CFL2: variants seen among roughly 807,000 people sequenced by gnomAD.
CFL2 encodes the protein cofilin 2.
In CFL2, 10 loss-of-function variants were observed where a neutral mutation model predicts 19.6. The ratio of observed to expected loss-of-function variants is 0.51; its 90% CI spans 0.31 to 0.86. The LOEUF (loss-of-function observed/expected upper bound fraction) is 0.86, where lower values mean the gene tolerates loss of function less well. Among genes scored for constraint, CFL2 ranks in the 40% least tolerant of loss-of-function variants. CFL2 has a pLI of 0.04. For synonymous variants in CFL2, 63 were observed against 66.7 expected (o/e 0.95, Z 0.27); for missense variants, 125 against 192.1 (o/e 0.65, Z 2.06).
rs372420724 is a variant in CFL2 at position 34,713,468 on chromosome 14, T to G, written c.97A>C (p.Lys33Gln). Reference sequence around the variant, plus strand: ...CTTAAACAGAAGAGAACTGCTTTCTTTCTCTTTTTGATCTCCTCTTGTGTA... The same window carrying G: ...CTTAAACAGAAGAGAACTGCTTTCTGTCTCTTTTTGATCTCCTCTTGTGTA... ...SSTQEEIKKR[K>Q]KAVLFCLSDD... The change falls in exon 2 of 4, where the codon AAG becomes CAG. Residue 33 changes from lysine (K) to glutamine (Q), a missense_variant. Transcript: ENST00000298159. The G allele has an allele frequency of 3.1e-6, 5 of 1,614,030 alleles. No individual in the cohort carries two copies. Among genetic ancestry groups the G allele is most frequent in the Non-Finnish European group, 4.2e-6 (5 of 1,180,004 alleles).
chr14:34,710,724 C>A lies in CFL2; in HGVS notation c.*2141G>T, dbSNP rs1445926032. ...TTATATTAGTATCAGTTTTGTCAATCTAGCAAATCAAAGTATCACAGTTTA... is the reference window on the plus strand; with the variant it reads ...TTATATTAGTATCAGTTTTGTCAATATAGCAAATCAAAGTATCACAGTTTA... On this transcript the variant is annotated 3_prime_UTR_variant, in exon 4 of 4. Coordinates refer to ENST00000298159, the MANE Select transcript of CFL2 (RefSeq NM_138638.5). 2.2e-6 allele frequency: 1 copy of A among 451,976 alleles called. No individual in the cohort carries two copies. The highest frequency in any genetic ancestry group is 4.4e-6 in the Non-Finnish European group (1 of 226,204). The allele number at this position is 451,976 out of a possible 1,614,324, so 28.0% of individuals were successfully genotyped here. A position where few individuals can be genotyped will look rare whatever the true frequency, so the allele number is the denominator to read the frequency against.
chr14:34,713,232 TTTTTC>T lies in CFL2; in HGVS notation c.311+17_311+21del. ...ATAATCCTTGCATTTTAAAAGTACT[TTTTTC>T]TTTTGTTTTTACACACCAGAATATA... On this transcript the variant is annotated intron_variant, in intron 2 of 3. Transcript: ENST00000298159. The T allele has an allele frequency of 6.2e-7, 1 of 1,604,780 alleles. No homozygotes were observed. The highest frequency in any genetic ancestry group is 8.5e-7 in the Non-Finnish European group (1 of 1,173,324).
At chr14:34,713,002 T>C (rs770568677) in intron 3 of CFL2, 25 bp from the exon 4 acceptor site, 2 of 1,553,446 alleles carry the variant, frequency 1.3e-6, no homozygotes, top group Non-Finnish European at 1.8e-6. Context: ...CATTATCCTA[T>C]TACTTTATTA....
At position 34,712,007 on chromosome 14, in the gene CFL2, G is replaced by A. The variant is rs1300461602; in HGVS notation, c.*858C>T. 3 of 454,328 alleles carry A rather than the reference G, an allele frequency of 6.6e-6. No individual in the cohort carries two copies. The highest frequency in any genetic ancestry group is 1.6e-5 in the South Asian group (1 of 64,472). The allele number at this position is 454,328 out of a possible 1,614,324, so 28.1% of individuals were successfully genotyped here. On this transcript the variant is annotated 3_prime_UTR_variant, in exon 4 of 4. Coordinates refer to ENST00000298159, the MANE Select transcript of CFL2 (RefSeq NM_138638.5). ...AAATTTCCAAGGAAAACAAGGCAAC[G>A]TTCTGTAATATGCCACAATTTTTAT...
In CFL2 at chr14:34,713,053, T is replaced by C; in HGVS notation, c.388+7A>G. 6.3e-7 allele frequency: 1 copy of C among 1,576,652 alleles called. No individual in the cohort carries two copies. Among genetic ancestry groups the C allele is most frequent in the Non-Finnish European group, 8.6e-7 (1 of 1,159,752 alleles). ...AATTTCTCTGCCCCAAATATTCAAGTTTGTACCTGTAAATTTCTTTTTAAT... is the reference window on the plus strand; with the variant it reads ...AATTTCTCTGCCCCAAATATTCAAGCTTGTACCTGTAAATTTCTTTTTAAT... On this transcript the variant is annotated splice_region_variant and intron_variant, in intron 3 of 3. Coordinates refer to ENST00000298159, the MANE Select transcript of CFL2 (RefSeq NM_138638.5).
Position 34,710,541 on chromosome 14 carries a change from T to C in CFL2, c.*2324A>G. On this transcript the variant is annotated 3_prime_UTR_variant, in exon 4 of 4. Coordinates refer to ENST00000298159, the MANE Select transcript of CFL2 (RefSeq NM_138638.5). The stretch of plus-strand genomic sequence containing the variant: ...ATTTTACTAATTAGCACCGTATACC[T>C]TTTAAAGCTAACTGGAACATTGATT... The C allele has an allele frequency of 2.3e-6, 1 of 434,626 alleles. No individual in the cohort carries two copies. Among genetic ancestry groups the C allele is most frequent in the Non-Finnish European group, 4.6e-6 (1 of 219,140 alleles). 26.9% of individuals were successfully genotyped at this position (434,626 alleles called of 1,614,324 possible).
At chr14:34,714,444 CA>C in intron 1 of CFL2, 93 bp downstream of exon 1, 6 of 1,483,294 alleles carry the variant, frequency 4.0e-6, no homozygotes, top group Admixed American at 2.3e-5. Flanking sequence ...CCTTGGAGGC[CA>C]AAATCAGGTT....
Position 34,712,763 on chromosome 14 carries a change from A to T in CFL2, c.*102T>A. 1.3e-6 allele frequency: 1 copy of T among 760,958 alleles called. No homozygotes were observed. Among genetic ancestry groups the T allele is most frequent in the Non-Finnish European group, 2.4e-6 (1 of 410,752 alleles). The allele number at this position is 760,958 out of a possible 1,614,324, so 47.1% of individuals were successfully genotyped here. A position where few individuals can be genotyped will look rare whatever the true frequency, so the allele number is the denominator to read the frequency against. ...CATTGTGTTGGAAGGGCCCAGTGGA[A>T]AGGGGGAAATACAACAAAAAACCAA... is the stretch of plus-strand genomic sequence containing the variant. On this transcript the variant is annotated 3_prime_UTR_variant, in exon 4 of 4. Transcript: ENST00000298159.
rs567576604 is a variant in CFL2, at chr14:34,714,573, G to C, written c.-33C>G. On this transcript the variant is annotated 5_prime_UTR_variant, in exon 1 of 4. Transcript: ENST00000298159. Reference sequence around the variant, plus strand: ...TCGGCTGTGGCTGCGGCGGCAGCTCGGGCTTCGGCTCTGTGGCACTGGGAG... The same window carrying C: ...TCGGCTGTGGCTGCGGCGGCAGCTCCGGCTTCGGCTCTGTGGCACTGGGAG... 2 of 1,557,176 alleles carry C rather than the reference G, an allele frequency of 1.3e-6. No individual in the cohort carries two copies. Among genetic ancestry groups the C allele is most frequent in the South Asian group, 2.3e-5 (2 of 87,010 alleles).
chr14:34,713,209 A>C (rs765233939), intron 2 of CFL2, 45 bp downstream of exon 2: 5 of 1,120,098 alleles, frequency 4.5e-6, no homozygotes, highest in South Asian at 2.9e-5. Flanking sequence ...TGATAATAAT[A>C]ATCCTTGCAT....
chr14:34,712,897 C>T lies in CFL2; in HGVS notation c.469G>A (p.Val157Ile). The T allele has an allele frequency of 6.2e-7, 1 of 1,602,652 alleles. No homozygotes were observed. The highest frequency in any genetic ancestry group is 8.6e-7 in the Non-Finnish European group (1 of 1,169,554). ...GGTTTTCCTTCAAGTGAAACTACTA[C>T]ATTGCCTCCCAATTTCTCTCCAAGT... The part of the protein sequence containing the change: ...STLGEKLGGN[V>I]VVSLEGKPL The change falls in exon 4 of 4, where the codon GTA becomes ATA. Residue 157 changes from valine (V) to isoleucine (I), a missense_variant. Physicochemically the swap from Val to Ile is conservative, Grantham distance 29 (BLOSUM62 3). Coordinates refer to ENST00000298159, the MANE Select transcript of CFL2 (RefSeq NM_138638.5).
intron 1 of CFL2, chr14:34,714,188 G>C (rs1885415653): frequency 5.3e-6 from 2 of 375,292 alleles, no homozygotes; most frequent in East Asian, 9.3e-5. Flanking sequence ...AGCGTTCGCA[G>C]CACGTACCAA....
chr14:34,710,208 C>A lies in CFL2; in HGVS notation c.*2657G>T. 1 of 189,866 alleles carries A rather than the reference C, an allele frequency of 5.3e-6. No individual in the cohort carries two copies. The highest frequency in any genetic ancestry group is 9.5e-5 in the South Asian group (1 of 10,472). 11.8% of individuals were successfully genotyped at this position (189,866 alleles called of 1,614,324 possible). A position where few individuals can be genotyped will look rare whatever the true frequency, so the allele number is the denominator to read the frequency against. ...CACTATTTTAGATAATGATGGAAAACAACAGCTGATAGCCAGTTTGGGACA... is the reference window on the plus strand; with the variant it reads ...CACTATTTTAGATAATGATGGAAAAAAACAGCTGATAGCCAGTTTGGGACA... On this transcript the variant is annotated 3_prime_UTR_variant, in exon 4 of 4. Transcript: ENST00000298159.
At position 34,714,519 on chromosome 14, in the gene CFL2, G is replaced by C. The variant is rs1390087947; in HGVS notation, c.3+19C>G. 1 of 1,578,892 alleles carries C rather than the reference G, an allele frequency of 6.3e-7. No individual in the cohort carries two copies. On this transcript the variant is annotated intron_variant, in intron 1 of 3. Transcript: ENST00000298159. ...TTTCTCGCCTCGCCGCGGCCTCCCG[G>C]CCAGCGCGCTCGTCTTACCATAGTG... is the stretch of plus-strand genomic sequence containing the variant.
chr14:34,714,482 G>T, intron 1 of CFL2, 56 bp downstream of exon 1: 3 of 1,538,696 alleles, frequency 1.9e-6, no homozygotes, highest in Non-Finnish European at 1.7e-6. Flanking sequence ...TCCCGGGGCC[G>T]TGCGGGGGGC....
rs914769719 is a variant in CFL2, at chr14:34,709,712, G to C, written c.*3153C>G. On this transcript the variant is annotated 3_prime_UTR_variant, in exon 4 of 4. Coordinates refer to ENST00000298159, the MANE Select transcript of CFL2 (RefSeq NM_138638.5). Reference sequence around the variant, plus strand: ...CTGAGGTGGGAGGATCATCTGAGCTGGGAAGGTTGAGTTTGAAGTGAGCTG... The same window carrying C: ...CTGAGGTGGGAGGATCATCTGAGCTCGGAAGGTTGAGTTTGAAGTGAGCTG... 1 of 147,918 alleles carries C rather than the reference G, an allele frequency of 6.8e-6. No homozygotes were observed. The highest frequency in any genetic ancestry group is 2.5e-5 in the African/African-American group (1 of 40,224). The allele number at this position is 147,918 out of a possible 1,614,324, so 9.2% of individuals were successfully genotyped here. A position where few individuals can be genotyped will look rare whatever the true frequency, so the allele number is the denominator to read the frequency against.
Position 34,713,920 on chromosome 14 carries a change from T to C in CFL2, c.4-359A>G, listed in dbSNP as rs576495090. On this transcript the variant is annotated intron_variant, in intron 1 of 3. Coordinates refer to ENST00000298159, the MANE Select transcript of CFL2 (RefSeq NM_138638.5). ...CTCGGCTGGCCTTAAAAAAACACTT[T>C]TGGATTTCAGTTAATGCTTCTACTA... 9.7e-5 allele frequency: 106 copies of C among 1,094,294 alleles called. No homozygotes were observed. The East Asian group carries it at 2.3e-3, about 24-fold the overall frequency. 67.8% of individuals were successfully genotyped at this position (1,094,294 alleles called of 1,614,324 possible). A position where few individuals can be genotyped will look rare whatever the true frequency, so the allele number is the denominator to read the frequency against.
At chr14:34,714,238 G>C in intron 1 of CFL2, 1 of 430,958 alleles carries the variant, frequency 2.3e-6, no homozygotes, top group South Asian at 4.7e-5. Flanking sequence ...AGGAAGCGAA[G>C]GGCAAAGGCG....
At chr14:34,714,489 G>A (rs1178815236) in intron 1 of CFL2, 49 bp downstream of exon 1, 11 of 1,549,076 alleles carry the variant, frequency 7.1e-6, no homozygotes, top group Non-Finnish European at 9.6e-6. Flanking sequence ...GCCGTGCGGG[G>A]GGCTTTTCTC....
Sources: allele counts gnomAD v4.1 joint callset, GRCh38; gene constraint gnomAD v4.1.1; transcripts MANE v1.5; gene names NCBI Gene and HGNC (gene_info 2026-07-23, HGNC 2026-07-21).